The following ZCCHC17 variants were observed in gnomAD, a reference collection of about 807,000 sequenced individuals.
ZCCHC17 encodes zinc finger CCHC domain-containing protein 17.
ZCCHC17 carries 18 observed loss-of-function variants against 30.6 expected under a neutral mutation model. The ratio of observed to expected loss-of-function variants is 0.59; its 90% confidence interval spans 0.41 to 0.87. The LOEUF is 0.87. ZCCHC17 is among the 40% of genes least tolerant of loss of function. The probability of loss-of-function intolerance (pLI) is 0.00; values close to 1 mark genes in which losing one functional copy is unlikely to be tolerated. For missense variants in ZCCHC17, 263 were observed against 284.2 expected (o/e 0.93, Z 0.54); for synonymous variants, 88 against 92.4 (o/e 0.95, Z 0.27).
chr1:31,300,982 G>A, intron 1 of ZCCHC17, among the ~76,000 whole-genome samples: 1 of 151,828 alleles, frequency 6.6e-6, no homozygotes, highest in African/African-American at 2.4e-5. Context: ...AGTGTGTGTG[G>A]CCCTTGGAAT....
chr1:31,347,241 T>A (rs1440925916), intron 6 of ZCCHC17, among the ~76,000 whole-genome samples: 1 of 152,212 alleles, frequency 6.6e-6, no homozygotes, highest in African/African-American at 2.4e-5. Flanking sequence ...CTCTATTTCC[T>A]CAGGTTTCCT....
intron 5 of ZCCHC17, among the ~76,000 whole-genome samples, chr1:31,340,145 C>T (rs1391032482): frequency 6.6e-6 from 1 of 151,070 alleles, no homozygotes; most frequent in East Asian, 1.9e-4. Flanking sequence ...GACAGGGTCT[C>T]CCTATGTTGC....
At chr1:31,319,231 C>G (rs1337609452) in intron 3 of ZCCHC17, 65 bp downstream of exon 3, 4 of 1,339,314 alleles carry the variant, frequency 3.0e-6, no homozygotes, top group Non-Finnish European at 4.2e-6. Flanking sequence ...CCACCACCTC[C>G]TAATTATAGG....
chr1:31,318,917 T>A (rs1646796452), intron 2 of ZCCHC17, among the ~76,000 whole-genome samples, 192 bp from the exon 3 acceptor site: 1 of 152,170 alleles, frequency 6.6e-6, no homozygotes, highest in African/African-American at 2.4e-5. Context: ...TTTTAATGTG[T>A]ACACACATAC....
intron 3 of ZCCHC17, among the ~76,000 whole-genome samples, chr1:31,329,651 G>A (rs1638499689): frequency 6.6e-6 from 1 of 152,158 alleles, no homozygotes; most frequent in African/African-American, 2.4e-5. Flanking sequence ...CTTAGTCCAT[G>A]GAATTGTGGA....
intron 1 of ZCCHC17, 82 bp from the exon 2 acceptor site, chr1:31,309,962 A>C: frequency 4.0e-6 from 3 of 743,154 alleles, no homozygotes; most frequent in Non-Finnish European, 6.8e-6. Flanking sequence ...ATTATTCTGT[A>C]GAGAATAGCT....
At chr1:31,363,337 C>G (rs1406984223) in intron 7 of ZCCHC17, among the ~76,000 whole-genome samples, 1 of 152,156 alleles carries the variant, frequency 6.6e-6, no homozygotes, top group Non-Finnish European at 1.5e-5. Context: ...GCACCTGCCA[C>G]CACGCCTGGC....
At chr1:31,333,660 A>T (rs1257200472) in intron 3 of ZCCHC17, among the ~76,000 whole-genome samples, 2 of 152,252 alleles carry the variant, frequency 1.3e-5, no homozygotes, top group African/African-American at 4.8e-5. Flanking sequence ...TTTATAGCGT[A>T]AAAGAGCAAA....
chr1:31,338,932 G>A, intron 4 of ZCCHC17, 25 bp from the exon 5 acceptor site: 1 of 1,533,674 alleles, frequency 6.5e-7, no homozygotes, highest in Non-Finnish European at 8.9e-7. Context: ...TAAAGTTTTT[G>A]GTGACTTTTT....
intron 1 of ZCCHC17, among the ~76,000 whole-genome samples, chr1:31,307,443 T>G (rs1422564600): frequency 1.3e-5 from 2 of 151,480 alleles, no homozygotes; most frequent in African/African-American, 4.8e-5. Flanking sequence ...GGAATCTTGC[T>G]CTGTTGCCCA....
At chr1:31,348,699 G>T in intron 6 of ZCCHC17, 130 bp from the exon 7 acceptor site, 1 of 1,102,980 alleles carries the variant, frequency 9.1e-7, no homozygotes. Context: ...GAATCAAACA[G>T]CTGCTTTGAA....
At chr1:31,304,435 C>T (rs1159521091) in intron 1 of ZCCHC17, among the ~76,000 whole-genome samples, 1 of 146,764 alleles carries the variant, frequency 6.8e-6, no homozygotes, top group Non-Finnish European at 1.5e-5. Context: ...AGGTGCCCAC[C>T]ACAATGCCCA....
chr1:31,360,842 G>A (rs1207815909), intron 7 of ZCCHC17, among the ~76,000 whole-genome samples: 1 of 152,132 alleles, frequency 6.6e-6, no homozygotes, highest in Non-Finnish European at 1.5e-5. Context: ...TGTAAAATGG[G>A]AATAATAACT....
chr1:31,328,559 G>A (rs904563667), intron 3 of ZCCHC17, among the ~76,000 whole-genome samples: 1 of 106,330 alleles, frequency 9.4e-6, no homozygotes, highest in African/African-American at 3.1e-5. Context: ...AGGTGTGTAT[G>A]TATAGGAAAA....
chr1:31,358,583 G>A (rs1377429277), intron 7 of ZCCHC17, among the ~76,000 whole-genome samples: 1 of 152,150 alleles, frequency 6.6e-6, no homozygotes, highest in Admixed American at 6.6e-5. Context: ...TTTGGACTGT[G>A]TAACTGGAAG....
chr1:31,346,966 C>T (rs1037158153), intron 6 of ZCCHC17: 4 of 910,706 alleles, frequency 4.4e-6, no homozygotes, highest in African/African-American at 3.3e-5. Flanking sequence ...TACCACCACT[C>T]CTCCCACCCC....
At chr1:31,343,846 ATTT>A (rs71569979) in intron 5 of ZCCHC17, among the ~76,000 whole-genome samples, 5 of 80,772 alleles carry the variant, frequency 6.2e-5, no homozygotes, top group Non-Finnish European at 1.1e-4. Flanking sequence ...TGCCCCACTA[ATTT>A]TTTTTTTTTT....
chr1:31,303,969 C>T (rs1249741211), intron 1 of ZCCHC17, among the ~76,000 whole-genome samples: 1 of 152,168 alleles, frequency 6.6e-6, no homozygotes, highest in African/African-American at 2.4e-5. Context: ...CCTCCTCACC[C>T]AGCTTAGACT....
chr1:31,329,109 A>T (rs1246265344), intron 3 of ZCCHC17, among the ~76,000 whole-genome samples: 2 of 152,212 alleles, frequency 1.3e-5, no homozygotes, highest in East Asian at 3.8e-4. Flanking sequence ...AAATAAACTC[A>T]GGTATAATCA....
Sources: allele counts gnomAD v4.1 joint callset (sites outside exome capture counted in the v4.1 genomes callset), GRCh38; gene constraint gnomAD v4.1.1; transcripts MANE v1.5; gene names NCBI Gene and HGNC (gene_info 2026-07-23, HGNC 2026-07-21).